HSP90AA1: variants seen among roughly 807,000 people sequenced by gnomAD.
HSP90AA1 encodes the protein heat shock protein HSP 90-alpha.
A neutral mutation model predicts 73.3 loss-of-function variants in HSP90AA1; 18 were observed. The observed-to-expected ratio is 0.25, with a 90% confidence interval of 0.17 to 0.36. The LOEUF (loss-of-function observed/expected upper bound fraction) is 0.36. HSP90AA1 is among the 10% of genes least tolerant of loss of function. HSP90AA1 has a pLI of 1.00. For missense variants in HSP90AA1, 704 were observed against 874.2 expected, an observed-to-expected ratio of 0.81 and a Z score of 2.45; for synonymous variants, 477 against 296.9, an observed-to-expected ratio of 1.61 and a Z score of -6.24.
At chr14:102,085,075 C>T (rs1384869300) in intron 4 of HSP90AA1, 77 bp from the exon 5 acceptor site, 2 of 1,609,224 alleles carry the variant, frequency 1.2e-6, no homozygotes, top group Non-Finnish European at 1.7e-6. Flanking sequence ...TATTTTCAAC[C>T]TAAGGCCCAA....
At chr14:102,086,146 T>G (rs201132542) in intron 2 of HSP90AA1, 22 bp from the exon 3 acceptor site, 5 of 1,613,980 alleles carry the variant, frequency 3.1e-6, no homozygotes, top group South Asian at 1.1e-5. Context: ...AAATATTAAT[T>G]TAAGCATACA....
Position 102,084,913 on chromosome 14 carries a change from TTC to T in HSP90AA1, c.747_748del (p.Lys250ArgfsTer7). 1 of 1,581,492 alleles carries T rather than the reference TTC, an allele frequency of 6.3e-7. No individual in the cohort carries two copies. The highest frequency in any genetic ancestry group is 8.7e-7 in the Non-Finnish European group (1 of 1,150,810). ...AATTTCAGGTTTGTCTTCCGACTCTTTCTCTTCTTTTTCTTTTTCTTCTTCTT... is the reference window on the plus strand; with the variant it reads ...AATTTCAGGTTTGTCTTCCGACTCTTTCTTCTTTTTCTTTTTCTTCTTCTT... On this transcript the variant is annotated frameshift_variant, in exon 5 of 11. Transcript: ENST00000216281. LOFTEE classifies it high-confidence loss of function.
Position 102,120,981 on chromosome 14 carries a change from C to T in HSP90AA1, c.155+18269G>A, listed in dbSNP as rs1299823362. On this transcript the variant is annotated intron_variant, in intron 1 of 11. Transcript: ENST00000334701. Reference sequence around the variant, plus strand: ...GCTTTTCAGAAAATGAAATATTATACATACTAATCTGCAACATACACACAC... The same window carrying T: ...GCTTTTCAGAAAATGAAATATTATATATACTAATCTGCAACATACACACAC... 4.6e-5 allele frequency among the ~76,000 whole-genome samples: 7 copies of T among 150,948 alleles called. 1 individual carries two copies. Among genetic ancestry groups the T allele is most frequent in the East Asian group, 1.9e-4 (1 of 5,130 alleles).
At chr14:102,099,552 C>T (rs1013948306) in intron 2 of HSP90AA1, among the ~76,000 whole-genome samples, 6 of 151,628 alleles carry the variant, frequency 4.0e-5, no homozygotes, top group Admixed American at 2.6e-4. Flanking sequence ...AGCGGAACTC[C>T]GTCTCAAAAA....
At position 102,085,312 on chromosome 14, in the gene HSP90AA1, G is replaced by C; in HGVS notation, c.649C>G (p.Pro217Ala). The change falls in exon 4 of 11, where the codon CCC (proline) becomes GCC (alanine). Residue 217 changes from proline to alanine, a missense_variant. Pro to Ala is a conservative substitution (Grantham distance 27, BLOSUM62 -1). Coordinates refer to ENST00000216281, the MANE Select transcript of HSP90AA1 (RefSeq NM_005348.4). Reference sequence around the variant, plus strand: ...TAAAAACTTACAAAAAGAGTAATGGGATATCCAATAAACTGAGAATGTTTC... The same window carrying C: ...TAAAAACTTACAAAAAGAGTAATGGCATATCCAATAAACTGAGAATGTTTC... The part of the protein sequence containing the change: ...VKKHSQFIGY[P>A]ITLFVEKERD... 2.5e-6 allele frequency: 4 copies of C among 1,612,000 alleles called. No individual in the cohort carries two copies. Among genetic ancestry groups the C allele is most frequent in the Non-Finnish European group, 3.4e-6 (4 of 1,178,634 alleles).
Position 102,084,834 on chromosome 14 carries a change from C to T in HSP90AA1, c.828G>A (p.Lys276=), listed in dbSNP as rs759972803. 9 of 1,604,340 alleles carry T rather than the reference C, an allele frequency of 5.6e-6. No individual in the cohort carries two copies. Among genetic ancestry groups the T allele is most frequent in the Middle Eastern group, 1.7e-4 (1 of 6,052 alleles). Residue 276 remains lysine (K), a synonymous_variant, in exon 5 of 11, where the codon AAG becomes AAA. Coordinates refer to ENST00000216281, the MANE Select transcript of HSP90AA1 (RefSeq NM_005348.4). Reference sequence around the variant, plus strand: ...TGTACTTTTCCTTAATCTTCTTCTTCTTCTTCTTGTCACCATCCTTCTTTT... The same window carrying T: ...TGTACTTTTCCTTAATCTTCTTCTTTTTCTTCTTGTCACCATCCTTCTTTT... ...EEEKKDGDKK[K]KKKIKEKYID...
chr14:102,084,139 C>A, intron 6 of HSP90AA1, 156 bp from the exon 7 acceptor site: 1 of 738,166 alleles, frequency 1.4e-6, no homozygotes, highest in Non-Finnish European at 2.4e-6. Flanking sequence ...GCGCAATCTC[C>A]ACTCACTGCA....
intron 1 of HSP90AA1, among the ~76,000 whole-genome samples, chr14:102,129,473 C>A (rs1042838731): frequency 1.3e-4 from 20 of 151,234 alleles, no homozygotes; most frequent in African/African-American, 4.9e-4. Flanking sequence ...TAGGCTACCA[C>A]AAATCTACTT....
chr14:102,082,617 T>C (rs1055842674), intron 9 of HSP90AA1, 173 bp from the exon 10 acceptor site: 5 of 638,192 alleles, frequency 7.8e-6, no homozygotes, highest in Admixed American at 2.7e-5. Context: ...ATTTCATGTT[T>C]TACATGCACA....
rs552718880 is a variant in HSP90AA1, at chr14:102,129,352, G to A, written c.155+9898C>T. ...TAACTGCACATATAATTCACCCAAC[G>A]ACTATTATTCAGTGGTTTCTGGTAT... On this transcript the variant is annotated intron_variant, in intron 1 of 11. Transcript: ENST00000334701. Among the ~76,000 whole-genome samples, 4 of 151,668 alleles carry A rather than the reference G, an allele frequency of 2.6e-5. No homozygotes were observed. The South Asian group carries it at 8.3e-4, about 32-fold the overall frequency.
chr14:102,100,496 G>C (rs890271213), intron 2 of HSP90AA1, among the ~76,000 whole-genome samples: 8 of 147,138 alleles, frequency 5.4e-5, no homozygotes, highest in African/African-American at 1.5e-4. Flanking sequence ...CACGATCTCA[G>C]CTCCCCACAA....
At chr14:102,108,788 GC>G (rs1158338890) in intron 1 of HSP90AA1, among the ~76,000 whole-genome samples, 7 of 151,906 alleles carry the variant, frequency 4.6e-5, no homozygotes, top group African/African-American at 1.7e-4. Context: ...ACCCACCTCG[GC>G]CTCCCAAAGT....
chr14:102,120,998 T>C lies in HSP90AA1; in HGVS notation c.155+18252A>G, dbSNP rs796507730. Among the ~76,000 whole-genome samples the C allele has an allele frequency of 3.2e-3, 476 of 149,430 alleles. 3 individuals are homozygous for C. Among genetic ancestry groups the C allele is most frequent in the African/African-American group, 5.9e-3 (235 of 40,004 alleles). ...ATATTATACATACTAATCTGCAACA[T>C]ACACACACACACACACACACACATA... On this transcript the variant is annotated intron_variant, in intron 1 of 11. Coordinates refer to the HSP90AA1 transcript ENST00000334701.
intron 1 of HSP90AA1, among the ~76,000 whole-genome samples, chr14:102,119,701 G>A (rs185382773): frequency 6.6e-6 from 1 of 152,122 alleles, no homozygotes; most frequent in East Asian, 1.9e-4. Flanking sequence ...GTTGGCCAGG[G>A]TGGTCTCGAT....
intron 1 of HSP90AA1, 89 bp from the exon 2 acceptor site, chr14:102,086,467 G>T: frequency 6.9e-7 from 1 of 1,442,672 alleles, no homozygotes; most frequent in Non-Finnish European, 9.8e-7. Flanking sequence ...TATTTTTAAA[G>T]CCGAATTGGA....
chr14:102,134,820 G>A (rs1006925007), intron 1 of HSP90AA1, among the ~76,000 whole-genome samples: 25 of 152,306 alleles, frequency 1.6e-4, no homozygotes, highest in East Asian at 7.7e-4. Flanking sequence ...CAGTGCGGAA[G>A]TGAACCCGAG....
At chr14:102,090,512 C>A (rs545838387), upstream of HSP90AA1, among the ~76,000 whole-genome samples, 2 of 151,184 alleles carry the variant, frequency 1.3e-5, no homozygotes, top group Non-Finnish European at 2.9e-5. Flanking sequence ...TGCAGTGGTG[C>A]GATCTTGGCT....
Position 102,086,035 on chromosome 14 carries a change from T to C in HSP90AA1, c.252A>G (p.Lys84=). 8 of 1,613,930 alleles carry C rather than the reference T, an allele frequency of 5.0e-6. No individual in the cohort carries two copies. The highest frequency in any genetic ancestry group is 6.8e-6 in the Non-Finnish European group (8 of 1,179,854). The part of the protein sequence containing the change: ...KELHINLIPN[K]QDRTLTIVDT... ...CCACAATAGTGAGAGTTCGATCTTG[T>C]TTGTTCGGTATAAGGTTAATATGCA... Residue 84 remains lysine (K), a synonymous_variant, in exon 3 of 11, where the codon AAA becomes AAG. Transcript: ENST00000216281.
intron 1 of HSP90AA1, among the ~76,000 whole-genome samples, chr14:102,086,736 C>A (rs1328458825): frequency 2.0e-5 from 3 of 151,308 alleles, no homozygotes; most frequent in East Asian, 2.0e-4. Flanking sequence ...CCGCTCTGTT[C>A]GCGTGCGGCG....
Sources: allele counts gnomAD v4.1 joint callset (sites outside exome capture counted in the v4.1 genomes callset), GRCh38; gene constraint gnomAD v4.1.1; transcripts MANE v1.5; gene names NCBI Gene and HGNC (gene_info 2026-07-23, HGNC 2026-07-21).